The following CNTN5 variants were observed in gnomAD, a reference collection of about 807,000 sequenced individuals.
CNTN5 encodes contactin-5.
A neutral mutation model predicts 129.1 loss-of-function variants in CNTN5; 77 were observed. The observed-to-expected ratio is 0.60, with a 90% CI of 0.50 to 0.72. The LOEUF is 0.72. Among genes scored for constraint, CNTN5 ranks in the 30% least tolerant of loss-of-function variants. The pLI, the probability that CNTN5 is intolerant of heterozygous loss-of-function variation, is 0.00. For synonymous variants in CNTN5, 509 were observed against 465.6 expected (o/e 1.09, Z -1.20); for missense variants, 1,478 against 1,328.8 (o/e 1.11, Z -1.75).
At chr11:99,616,222 A>C (rs1432272338) in intron 3 of CNTN5, among the ~76,000 whole-genome samples, 1 of 152,154 alleles carries the variant, frequency 6.6e-6, no homozygotes, top group Admixed American at 6.5e-5. Context: ...TACTTCCCCT[A>C]ACATTTGCCA....
intron 3 of CNTN5, among the ~76,000 whole-genome samples, chr11:99,815,774 A>C (rs761768727): frequency 2.6e-5 from 4 of 152,322 alleles, no homozygotes; most frequent in Non-Finnish European, 4.4e-5. Flanking sequence ...GTTGAGGATG[A>C]AACATAACTG....
At chr11:99,428,821 A>T (rs917071656) in intron 2 of CNTN5, among the ~76,000 whole-genome samples, 1 of 152,090 alleles carries the variant, frequency 6.6e-6, no homozygotes, top group African/African-American at 2.4e-5. Context: ...TCCTGTTAAC[A>T]ATTGTTTTTA....
At chr11:99,618,213 T>C (rs551816888) in intron 3 of CNTN5, among the ~76,000 whole-genome samples, 1 of 152,318 alleles carries the variant, frequency 6.6e-6, no homozygotes, top group South Asian at 2.1e-4. Flanking sequence ...ATATTAGATG[T>C]CAAATTTCAG....
chr11:99,319,239 A>T (rs1191035015), intron 1 of CNTN5, among the ~76,000 whole-genome samples: 2 of 152,188 alleles, frequency 1.3e-5, no homozygotes, highest in Admixed American at 6.5e-5. Context: ...TTACTTCATG[A>T]TTATTTTTAA....
At chr11:99,981,722 T>G (rs1055072509) in intron 8 of CNTN5, among the ~76,000 whole-genome samples, 5 of 152,204 alleles carry the variant, frequency 3.3e-5, no homozygotes, top group Admixed American at 2.6e-4. Flanking sequence ...TGGTCCTGAG[T>G]AATTATAAAT....
chr11:100,148,061 A>G (rs1164141390), intron 13 of CNTN5, among the ~76,000 whole-genome samples: 3 of 152,160 alleles, frequency 2.0e-5, no homozygotes, highest in Non-Finnish European at 4.4e-5. Context: ...TTTAGCCAAT[A>G]TTAGTAACTT....
intron 1 of CNTN5, among the ~76,000 whole-genome samples, chr11:99,197,094 A>C (rs776519221): frequency 4.2e-4 from 64 of 152,146 alleles, no homozygotes; most frequent in Middle Eastern, 3.4e-3. Flanking sequence ...GAAAGTCAAG[A>C]ATACATAATA....
intron 7 of CNTN5, among the ~76,000 whole-genome samples, chr11:99,945,585 A>G (rs1950538085): frequency 6.6e-6 from 1 of 151,610 alleles, no homozygotes; most frequent in Non-Finnish European, 1.5e-5. Context: ...AATGATGTTA[A>G]CACTTTTTTT....
intron 3 of CNTN5, among the ~76,000 whole-genome samples, chr11:99,639,169 C>T (rs1200167950): frequency 2.6e-5 from 4 of 152,230 alleles, no homozygotes; most frequent in Admixed American, 2.0e-4. Context: ...GGCTTCCACC[C>T]TCTGAAGCCA....
intron 16 of CNTN5, among the ~76,000 whole-genome samples, chr11:100,243,089 A>T (rs1204115335): frequency 6.6e-6 from 1 of 152,206 alleles, no homozygotes; most frequent in Non-Finnish European, 1.5e-5. Context: ...CTCACGCTGC[A>T]TCCTACTTTC....
At chr11:99,511,349 G>A (rs954203558) in intron 2 of CNTN5, among the ~76,000 whole-genome samples, 5 of 152,030 alleles carry the variant, frequency 3.3e-5, no homozygotes, top group South Asian at 2.1e-4. Context: ...GTAGTTGAGA[G>A]GTTTTGAGTG....
chr11:99,481,764 C>A (rs1344257523), intron 2 of CNTN5, among the ~76,000 whole-genome samples: 1 of 152,132 alleles, frequency 6.6e-6, no homozygotes, highest in African/African-American at 2.4e-5. Context: ...AAATACTTAT[C>A]TTTTTAATTC....
intron 1 of CNTN5, among the ~76,000 whole-genome samples, chr11:99,143,072 A>G (rs1328297489): frequency 6.6e-6 from 1 of 151,240 alleles, no homozygotes; most frequent in Non-Finnish European, 1.5e-5. Flanking sequence ...TTATCTTCTG[A>G]TCTCTCAGTG....
Position 99,747,637 on chromosome 11 carries a change from CT to C in CNTN5, c.56-71899del, listed in dbSNP as rs556892130. On this transcript the variant is annotated intron_variant, in intron 3 of 24. Coordinates refer to ENST00000524871, the MANE Select transcript of CNTN5 (RefSeq NM_014361.4). ...GGCGCCTGCTACCATGCCTGGCTAA[CT>C]TTTTTTTGTATTTTTTAGTAGAGAC... Among the ~76,000 whole-genome samples the C allele has an allele frequency of 6.0e-4, 90 of 151,054 alleles. 4 individuals are homozygous for C. The highest frequency in any genetic ancestry group is 2.5e-4 in the Non-Finnish European group (17 of 67,706).
chr11:99,379,622 G>C (rs904619038), intron 2 of CNTN5, among the ~76,000 whole-genome samples: 1 of 152,120 alleles, frequency 6.6e-6, no homozygotes, highest in Non-Finnish European at 1.5e-5. Flanking sequence ...AAACTGAAGA[G>C]AATCATCTTG....
At chr11:99,078,888 G>C (rs1865687616) in intron 1 of CNTN5, among the ~76,000 whole-genome samples, 1 of 151,744 alleles carries the variant, frequency 6.6e-6, no homozygotes, top group Admixed American at 6.6e-5. Flanking sequence ...AGCACAACAG[G>C]GTGATTACAG....
chr11:99,815,996 A>G (rs767876899), intron 3 of CNTN5, among the ~76,000 whole-genome samples: 9 of 152,080 alleles, frequency 5.9e-5, no homozygotes, highest in African/African-American at 9.7e-5. Context: ...CACTTCCTTC[A>G]GTGAGCCTTC....
At chr11:99,469,211 C>T (rs1197959098) in intron 2 of CNTN5, among the ~76,000 whole-genome samples, 1 of 151,964 alleles carries the variant, frequency 6.6e-6, no homozygotes. Context: ...TCATTATGTT[C>T]AAAATAGCGA....
chr11:100,234,055 A>G (rs1250929916), intron 16 of CNTN5, among the ~76,000 whole-genome samples: 1 of 152,234 alleles, frequency 6.6e-6, no homozygotes, highest in Non-Finnish European at 1.5e-5. Context: ...GCTCATCGTC[A>G]CTGGTCAATA....
Sources: gnomAD v4.1 joint callset for allele counts (sites outside exome capture counted in the v4.1 genomes callset) on GRCh38, gnomAD v4.1.1 for gene constraint, MANE v1.5 for transcripts, NCBI Gene and HGNC (gene_info 2026-07-23, HGNC 2026-07-21) for gene names.